Variants in GABBR2 observed in about 807,000 individuals in gnomAD.
GABBR2 encodes the protein G-protein coupled receptor 51.
Under a neutral mutation model 105.6 loss-of-function variants are expected in GABBR2, and 23 were observed. The ratio of observed to expected loss-of-function variants is 0.22; its 90% CI spans 0.16 to 0.31. The LOEUF (loss-of-function observed/expected upper bound fraction) is 0.31. GABBR2 is among the 10% of genes least tolerant of loss of function. GABBR2 has a pLI of 1.00. For synonymous variants in GABBR2, 478 were observed against 499.7 expected (o/e 0.96, Z 0.58); for missense variants, 734 against 1,245.5 (o/e 0.59, Z 6.18).
At chr9:98,474,206 A>C (rs1306671255) in intron 5 of GABBR2, among the ~76,000 whole-genome samples, 1 of 152,186 alleles carries the variant, frequency 6.6e-6, no homozygotes, top group Non-Finnish European at 1.5e-5. Context: ...TCAAACAGTC[A>C]GGGAGAAAAG....
Position 98,420,200 on chromosome 9 carries a change from C to G in GABBR2, c.1237-14059G>C, listed in dbSNP as rs139570537. Reference sequence around the variant, plus strand: ...TCTGCAGGGATACCCTAGCTCCCCCCACCTGGCCCTCCTTGCCCCTCTGGA... The same window carrying G: ...TCTGCAGGGATACCCTAGCTCCCCCGACCTGGCCCTCCTTGCCCCTCTGGA... On this transcript the variant is annotated intron_variant, in intron 7 of 18. Coordinates refer to ENST00000259455, the MANE Select transcript of GABBR2 (RefSeq NM_005458.8). Among the ~76,000 whole-genome samples, 108 of 152,308 alleles carry G rather than the reference C, an allele frequency of 7.1e-4. No homozygotes were observed. In the East Asian group the frequency reaches 8.3e-3, roughly 12 times the overall value.
At chr9:98,422,883 T>A (rs995506841) in intron 7 of GABBR2, among the ~76,000 whole-genome samples, 1 of 151,882 alleles carries the variant, frequency 6.6e-6, no homozygotes, top group African/African-American at 2.4e-5. Flanking sequence ...GTCCTTGCGA[T>A]AGTTTACTGA....
chr9:98,686,841 A>AC (rs1830627187), intron 1 of GABBR2, among the ~76,000 whole-genome samples: 1 of 151,226 alleles, frequency 6.6e-6, no homozygotes, highest in Admixed American at 6.6e-5. Context: ...CCTCCCTGTC[A>AC]CCCCCACAAC....
intron 18 of GABBR2, 86 bp from the exon 19 acceptor site, chr9:98,290,835 G>A (rs2131331954): frequency 1.2e-6 from 1 of 858,864 alleles, no homozygotes; most frequent in East Asian, 3.3e-5. Context: ...GGCTAAAAAA[G>A]CTGATGACAG....
At chr9:98,493,428 C>T (rs1827216913) in intron 4 of GABBR2, among the ~76,000 whole-genome samples, 1 of 152,174 alleles carries the variant, frequency 6.6e-6, no homozygotes, top group South Asian at 2.1e-4. Context: ...TTTCTTTTGT[C>T]CTGGTTTTCC....
chr9:98,527,697 TCCAA>T (rs1247715004), intron 3 of GABBR2, among the ~76,000 whole-genome samples: 2 of 151,586 alleles, frequency 1.3e-5, no homozygotes, highest in Non-Finnish European at 2.9e-5. Context: ...TTGCTGAGGA[TCCAA>T]CAAGAAACGT....
chr9:98,426,839 T>C (rs1825702746), intron 7 of GABBR2, among the ~76,000 whole-genome samples: 1 of 152,220 alleles, frequency 6.6e-6, no homozygotes, highest in African/African-American at 2.4e-5. Flanking sequence ...CAGTCTCTAC[T>C]AAAAATACAA....
At chr9:98,625,177 C>A (rs1001235693) in intron 1 of GABBR2, among the ~76,000 whole-genome samples, 1 of 152,222 alleles carries the variant, frequency 6.6e-6, no homozygotes, top group South Asian at 2.1e-4. Context: ...AGCCCATGCC[C>A]CAGTTGCCAC....
chr9:98,420,837 T>C (rs1240071426), intron 7 of GABBR2, among the ~76,000 whole-genome samples: 1 of 151,738 alleles, frequency 6.6e-6, no homozygotes, highest in Non-Finnish European at 1.5e-5. Flanking sequence ...AGGCAGAGAG[T>C]AGGAAGCAGA....
chr9:98,529,164 A>C (rs1281992373), intron 3 of GABBR2, among the ~76,000 whole-genome samples: 1 of 152,048 alleles, frequency 6.6e-6, no homozygotes. Flanking sequence ...TGTTAAGAAA[A>C]AAAAAAATCC....
At chr9:98,697,963 A>C (rs1488471960) in intron 1 of GABBR2, among the ~76,000 whole-genome samples, 2 of 152,266 alleles carry the variant, frequency 1.3e-5, no homozygotes, top group Non-Finnish European at 2.9e-5. Flanking sequence ...GCTTCAGTGA[A>C]TGGTAGTTCT....
At chr9:98,678,366 G>A (rs2131867041) in intron 1 of GABBR2, among the ~76,000 whole-genome samples, 1 of 152,304 alleles carries the variant, frequency 6.6e-6, no homozygotes, top group East Asian at 1.9e-4. Context: ...TACTTAGAAA[G>A]CAAGTCTAAT....
At chr9:98,658,294 G>A (rs1830209054) in intron 1 of GABBR2, among the ~76,000 whole-genome samples, 1 of 152,170 alleles carries the variant, frequency 6.6e-6, no homozygotes, top group Admixed American at 6.5e-5. Flanking sequence ...CCCACCTCCA[G>A]AAGATTCTGA....
At chr9:98,381,942 C>T (rs933873844) in intron 11 of GABBR2, among the ~76,000 whole-genome samples, 3 of 152,158 alleles carry the variant, frequency 2.0e-5, no homozygotes, top group Admixed American at 6.5e-5. Flanking sequence ...CCCTAGCCTG[C>T]GTCACCCTGT....
chr9:98,667,336 G>A (rs539096807), intron 1 of GABBR2, among the ~76,000 whole-genome samples: 1 of 152,282 alleles, frequency 6.6e-6, no homozygotes, highest in African/African-American at 2.4e-5. Context: ...AATGCCAGCA[G>A]CAGGAGCACT....
intron 2 of GABBR2, among the ~76,000 whole-genome samples, chr9:98,576,295 G>A (rs1828906690): frequency 6.6e-6 from 1 of 152,176 alleles, no homozygotes; most frequent in African/African-American, 2.4e-5. Flanking sequence ...CCTGTTTTCT[G>A]TTCCACGAAT....
intron 1 of GABBR2, among the ~76,000 whole-genome samples, chr9:98,655,225 G>A (rs1460462512): frequency 6.6e-6 from 1 of 152,124 alleles, no homozygotes; most frequent in South Asian, 2.1e-4. Context: ...CACTGTGGAC[G>A]TTGGGCGATA....
intron 13 of GABBR2, among the ~76,000 whole-genome samples, chr9:98,332,184 C>A (rs75502525): frequency 6.6e-6 from 1 of 152,294 alleles, no homozygotes; most frequent in Non-Finnish European, 1.5e-5. Context: ...GGAAACAGAA[C>A]ACTCTCTGCA....
intron 7 of GABBR2, among the ~76,000 whole-genome samples, chr9:98,441,847 T>C (rs1393126683): frequency 3.9e-5 from 6 of 152,134 alleles, no homozygotes; most frequent in African/African-American, 1.4e-4. Flanking sequence ...TAAAAAACGA[T>C]AGGGTTAAGA....
Sources: gnomAD v4.1 joint callset for allele counts (sites outside exome capture counted in the v4.1 genomes callset) on GRCh38, gnomAD v4.1.1 for gene constraint, MANE v1.5 for transcripts, NCBI Gene and HGNC (gene_info 2026-07-23, HGNC 2026-07-21) for gene names.